FRMD3: variants seen among roughly 807,000 people sequenced by gnomAD.
FRMD3 encodes the protein FERM domain-containing protein 3.
Under a neutral mutation model 70.2 loss-of-function variants are expected in FRMD3, and 33 were observed. That is an observed-to-expected ratio of 0.47 (90% CI 0.36 to 0.63). FRMD3 has a LOEUF of 0.63. FRMD3 is among the 20% of genes least tolerant of loss of function. The probability of loss-of-function intolerance (pLI) is 0.00; values close to 1 mark genes in which losing one functional copy is unlikely to be tolerated. For synonymous variants in FRMD3, 279 were observed against 255.9 expected (o/e 1.09, Z -0.86); for missense variants, 632 against 711.4 (o/e 0.89, Z 1.27).
At position 83,385,457 on chromosome 9, in the gene FRMD3, A is replaced by G. The variant is rs530585757; in HGVS notation, c.252+4147T>C. On this transcript the variant is annotated intron_variant, in intron 2 of 13. Coordinates refer to ENST00000304195, the MANE Select transcript of FRMD3 (RefSeq NM_174938.6). ...GCTGGGCCCTGGACATCAAAATAGC[A>G]AAAGATAGTCATCATTTCCTGACTC... Among the ~76,000 whole-genome samples the G allele has an allele frequency of 3.3e-5, 5 of 152,314 alleles. No homozygotes were observed. The South Asian group carries it at 1.0e-3, about 32-fold the overall frequency.
rs539217169 is a variant in FRMD3, at chr9:83,310,666, T to C, written c.774-118A>G. ...GGCAGATTGCAGTGAAACAAGGTAT[T>C]ATCATTGGTGAAGGTCTAATGGGCA... On this transcript the variant is annotated intron_variant, in intron 8 of 13. Coordinates refer to ENST00000304195, the MANE Select transcript of FRMD3 (RefSeq NM_174938.6). 18 of 721,518 alleles carry C rather than the reference T, an allele frequency of 2.5e-5. No individual in the cohort carries two copies. In the African/African-American group the frequency reaches 3.0e-4, roughly 12 times the overall value. 44.7% of individuals were successfully genotyped at this position (721,518 alleles called of 1,614,324 possible).
At chr9:83,298,292 TC>T (rs1335561456) in intron 12 of FRMD3, among the ~76,000 whole-genome samples, 1 of 152,220 alleles carries the variant, frequency 6.6e-6, no homozygotes, top group Non-Finnish European at 1.5e-5. Context: ...AGGTGTGTAC[TC>T]TTGAGCCAAC....
intron 1 of FRMD3, among the ~76,000 whole-genome samples, chr9:83,495,937 A>G (rs1313019799): frequency 2.6e-5 from 4 of 152,204 alleles, no homozygotes; most frequent in Admixed American, 2.6e-4. Flanking sequence ...AAAACTACCA[A>G]TGGCTGAAAA....
chr9:83,519,057 A>G (rs891653082), intron 1 of FRMD3, among the ~76,000 whole-genome samples: 2 of 152,244 alleles, frequency 1.3e-5, no homozygotes, highest in Non-Finnish European at 2.9e-5. Flanking sequence ...AAACCTAGGC[A>G]ATACCATTCA....
chr9:83,549,713 T>C, the FRMD3 span, among the ~76,000 whole-genome samples: 1 of 152,166 alleles, frequency 6.6e-6, no homozygotes, highest in African/African-American at 2.4e-5. Context: ...ATATCGAGCA[T>C]TTTTTTCATA....
chr9:83,300,188 T>C lies in FRMD3; in HGVS notation c.927-1002A>G, dbSNP rs867289163. Among the ~76,000 whole-genome samples, 9 of 151,764 alleles carry C rather than the reference T, an allele frequency of 5.9e-5. No homozygotes were observed. In the South Asian group the frequency reaches 1.9e-3, roughly 32 times the overall value. ...GCTTCCTTTATTCACTCAGCAATCA[T>C]TAACTGAGTGCCATCCCTGCTCTAC... On this transcript the variant is annotated intron_variant, in intron 10 of 13. Coordinates refer to ENST00000304195, the MANE Select transcript of FRMD3 (RefSeq NM_174938.6).
intron 1 of FRMD3, among the ~76,000 whole-genome samples, chr9:83,507,199 T>C (rs1479750475): frequency 6.8e-6 from 1 of 148,068 alleles, no homozygotes; most frequent in African/African-American, 2.5e-5. Flanking sequence ...AAATCCCGTC[T>C]CTACTAAAAA....
chr9:83,303,432 G>A (rs867427735), intron 10 of FRMD3, among the ~76,000 whole-genome samples: 4 of 152,124 alleles, frequency 2.6e-5, no homozygotes, highest in African/African-American at 7.2e-5. Flanking sequence ...TAGTCGTACT[G>A]GCTCTCAAAT....
chr9:83,290,850 T>G, intron 12 of FRMD3, 123 bp from the exon 13 acceptor site: 1 of 997,798 alleles, frequency 1.0e-6, no homozygotes, highest in Non-Finnish European at 1.5e-6. Context: ...CACAGTGAAT[T>G]GAGCCAGTAG....
At chr9:83,473,474 A>T (rs189490410) in intron 1 of FRMD3, among the ~76,000 whole-genome samples, 1 of 152,296 alleles carries the variant, frequency 6.6e-6, no homozygotes, top group Admixed American at 6.5e-5. Context: ...TTCAATGTTC[A>T]TGTGTCTTTG....
chr9:83,271,381 G>C (rs1003935931), intron 13 of FRMD3, among the ~76,000 whole-genome samples: 5 of 152,066 alleles, frequency 3.3e-5, no homozygotes, highest in African/African-American at 9.7e-5. Context: ...ATACTTCAGA[G>C]GACTTTTTAA....
At chr9:83,563,248 C>G in the FRMD3 span, among the ~76,000 whole-genome samples, 9 of 152,188 alleles carry the variant, frequency 5.9e-5, no homozygotes, top group Non-Finnish European at 1.3e-4. Context: ...TCCCTTCACT[C>G]CACCCTCACC....
chr9:83,397,732 G>C (rs1587814763), intron 1 of FRMD3, among the ~76,000 whole-genome samples: 2 of 152,152 alleles, frequency 1.3e-5, no homozygotes, highest in African/African-American at 4.8e-5. Context: ...TGCAGAAGTT[G>C]CTTTTGAGAA....
chr9:83,456,982 A>C (rs1160233911), intron 1 of FRMD3, among the ~76,000 whole-genome samples: 1 of 152,006 alleles, frequency 6.6e-6, no homozygotes, highest in Non-Finnish European at 1.5e-5. Flanking sequence ...CCTGTCTCAA[A>C]AAAAAATTAA....
intron 1 of FRMD3, among the ~76,000 whole-genome samples, chr9:83,487,758 GA>G (rs1459657933): frequency 6.6e-6 from 1 of 152,186 alleles, no homozygotes. Context: ...AGAGGCTTAG[GA>G]AAATTTGAGA....
At chr9:83,475,855 A>G (rs776477295) in intron 1 of FRMD3, among the ~76,000 whole-genome samples, 1 of 152,172 alleles carries the variant, frequency 6.6e-6, no homozygotes, top group Non-Finnish European at 1.5e-5. Context: ...GGAATAAATG[A>G]GCGAAGATAC....
intron 5 of FRMD3, among the ~76,000 whole-genome samples, chr9:83,336,513 T>G (rs916439624): frequency 2.0e-5 from 3 of 151,042 alleles, no homozygotes; most frequent in Admixed American, 2.0e-4. Flanking sequence ...TATGCAGGTG[T>G]GGCTTATTCA....
rs1829918660 is a variant in FRMD3, at chr9:83,537,371, C to T, written c.147+714G>A. 6.6e-6 allele frequency among the ~76,000 whole-genome samples: 1 copy of T among 152,224 alleles called. No individual in the cohort carries two copies. Among genetic ancestry groups the T allele is most frequent in the South Asian group, 2.1e-4 (1 of 4,834 alleles). On this transcript the variant is annotated intron_variant, in intron 1 of 13. Transcript: ENST00000304195. The surrounding 1 kb of genome is among the most constrained non-coding windows in gnomAD (Gnocchi z 4.1). ...ACCCAGGACCCAGGTTCCTGCAGGG[C>T]TCCCCACTTGCTGGCCTCACAATCC...
intron 1 of FRMD3, among the ~76,000 whole-genome samples, chr9:83,442,587 C>G (rs1205882201): frequency 6.6e-6 from 1 of 151,950 alleles, no homozygotes. Flanking sequence ...GGGAGGAAAG[C>G]CAACGTATAA....
Sources: allele counts gnomAD v4.1 joint callset (sites outside exome capture counted in the v4.1 genomes callset), GRCh38; gene constraint gnomAD v4.1.1; non-coding constraint Gnocchi (gnomAD v3.1); transcripts MANE v1.5; gene names NCBI Gene and HGNC (gene_info 2026-07-23, HGNC 2026-07-21).